The following TCF4 variants were observed in gnomAD, a reference collection of about 807,000 sequenced individuals.
TCF4 encodes the protein SL3-3 enhancer factor 2.
Under a neutral mutation model 82.1 loss-of-function variants are expected in TCF4, and 3 were observed. The ratio of observed to expected loss-of-function variants is 0.04; its 90% CI spans 0.02 to 0.09. The LOEUF (loss-of-function observed/expected upper bound fraction) is 0.09. Among genes scored for constraint, TCF4 ranks in the 10% least tolerant of loss-of-function variants. TCF4 has a pLI of 1.00. For missense variants in TCF4, 518 were observed against 852.7 expected, an observed-to-expected ratio of 0.61 and a Z score of 4.89; for synonymous variants, 276 against 309.6, an observed-to-expected ratio of 0.89 and a Z score of 1.14.
intron 3 of TCF4, among the ~76,000 whole-genome samples, chr18:55,572,519 T>C (rs1284588673): frequency 6.6e-6 from 1 of 152,140 alleles, no homozygotes; most frequent in Non-Finnish European, 1.5e-5. Context: ...TTGTTCCTAA[T>C]CAGGAGTTAC....
At chr18:55,345,636 A>G (rs1184108148) in intron 8 of TCF4, among the ~76,000 whole-genome samples, 1 of 152,180 alleles carries the variant, frequency 6.6e-6, no homozygotes, top group Non-Finnish European at 1.5e-5. Context: ...TAACAATTAT[A>G]CTTCTTCACA....
At chr18:55,634,766 G>C (rs1264518867) in intron 1 of TCF4, among the ~76,000 whole-genome samples, 1 of 152,182 alleles carries the variant, frequency 6.6e-6, no homozygotes, top group African/African-American at 2.4e-5. Context: ...CAATAATCTA[G>C]ACAGGAAATT....
chr18:55,448,987 T>C (rs1284293212), intron 5 of TCF4, among the ~76,000 whole-genome samples: 1 of 152,182 alleles, frequency 6.6e-6, no homozygotes, highest in Non-Finnish European at 1.5e-5. Context: ...CCTACGACTT[T>C]GCGAAAAATG....
intron 2 of TCF4, among the ~76,000 whole-genome samples, chr18:55,618,605 A>G (rs2147977066): frequency 6.6e-6 from 1 of 151,580 alleles, no homozygotes; most frequent in African/African-American, 2.4e-5. Flanking sequence ...TTTTTGAGAC[A>G]GGTTCTCCCT....
chr18:55,236,093 G>GTGTA (rs1314261540), intron 15 of TCF4, among the ~76,000 whole-genome samples: 1 of 142,272 alleles, frequency 7.0e-6, no homozygotes, highest in Non-Finnish European at 1.5e-5. Context: ...GTGTGTGTGT[G>GTGTA]TATGCACTCC....
At chr18:55,624,461 T>C (rs2097724534) in intron 2 of TCF4, among the ~76,000 whole-genome samples, 1 of 152,090 alleles carries the variant, frequency 6.6e-6, no homozygotes, top group African/African-American at 2.4e-5. Context: ...GCTTCAGTCC[T>C]TAAAACATAT....
intron 5 of TCF4, among the ~76,000 whole-genome samples, chr18:55,429,548 G>T (rs899032097): frequency 6.6e-6 from 1 of 152,044 alleles, no homozygotes; most frequent in African/African-American, 2.4e-5. Context: ...GGATCACAAG[G>T]TCAGGAGATC....
At chr18:55,282,692 T>G (rs897275014) in intron 8 of TCF4, among the ~76,000 whole-genome samples, 2 of 151,438 alleles carry the variant, frequency 1.3e-5, no homozygotes, top group African/African-American at 4.9e-5. Context: ...CTTCAAAGAG[T>G]TGGAATTATT....
chr18:55,238,177 C>T (rs59237299), intron 15 of TCF4, among the ~76,000 whole-genome samples: 15,360 of 152,234 alleles, frequency 0.1, 918 homozygotes, highest in African/African-American at 0.13. Flanking sequence ...ATCCATACTT[C>T]GTTAAAGCTC....
intron 8 of TCF4, among the ~76,000 whole-genome samples, chr18:55,309,117 T>C (rs996712614): frequency 1.3e-5 from 2 of 151,882 alleles, no homozygotes; most frequent in Admixed American, 1.3e-4. Flanking sequence ...TTATTATCAT[T>C]ATTTTTAATT....
intron 17 of TCF4, 33 bp from the exon 18 acceptor site, chr18:55,229,109 T>G (rs778624355): frequency 6.2e-6 from 10 of 1,609,034 alleles, no homozygotes; most frequent in Non-Finnish European, 7.7e-6. Flanking sequence ...CATTTTCTAA[T>G]GGTGTGGGGA....
At chr18:55,576,920 T>G (rs1568442042) in intron 3 of TCF4, among the ~76,000 whole-genome samples, 2 of 151,654 alleles carry the variant, frequency 1.3e-5, no homozygotes, top group East Asian at 1.9e-4. Flanking sequence ...CCAAGATGAT[T>G]CTTCTTCTTC....
chr18:55,347,213 G>A (rs979230047), intron 8 of TCF4, among the ~76,000 whole-genome samples: 8 of 152,048 alleles, frequency 5.3e-5, no homozygotes, highest in African/African-American at 1.9e-4. Flanking sequence ...CGAGGGCTAC[G>A]AGAAATTGGG....
At chr18:55,589,119 A>G (rs1368353848), upstream of TCF4, among the ~76,000 whole-genome samples, 1 of 152,176 alleles carries the variant, frequency 6.6e-6, no homozygotes, top group Non-Finnish European at 1.5e-5. Context: ...CACACATTCT[A>G]CAAATCCTGG....
At chr18:55,616,532 G>A (rs1362186282) in intron 2 of TCF4, among the ~76,000 whole-genome samples, 1 of 152,024 alleles carries the variant, frequency 6.6e-6, no homozygotes, top group Non-Finnish European at 1.5e-5. Context: ...TCTTTAAGGA[G>A]TCTGTATACT....
intron 3 of TCF4, among the ~76,000 whole-genome samples, chr18:55,479,743 C>T (rs374626411): frequency 2.6e-5 from 4 of 152,148 alleles, no homozygotes; most frequent in African/African-American, 4.8e-5. Context: ...TCTGTGACAC[C>T]GGAGGGTAAT....
At chr18:55,339,871 A>C (rs975497348) in intron 8 of TCF4, among the ~76,000 whole-genome samples, 7 of 152,238 alleles carry the variant, frequency 4.6e-5, no homozygotes, top group Non-Finnish European at 8.8e-5. Context: ...CAATCTAGCC[A>C]TTCTTTGACT....
chr18:55,347,402 C>T (rs57530083), intron 8 of TCF4, among the ~76,000 whole-genome samples: 8,133 of 152,178 alleles, frequency 0.053, 273 homozygotes, highest in African/African-American at 0.096. Flanking sequence ...GGCTTCCCCC[C>T]GACACGCTGT....
rs2046707506 is a variant in TCF4 at position 55,227,230 on chromosome 18, A to C, written c.*805T>G. On this transcript the variant is annotated 3_prime_UTR_variant, in exon 20 of 20. Transcript: ENST00000354452. ...ACAGGTTACGATAACAAACCAGGGA[A>C]AGGGACAGAAATAAGACCAAAAAAA... is the stretch of plus-strand genomic sequence containing the variant. The C allele has an allele frequency of 6.6e-6, 1 of 150,566 alleles. No individual in the cohort carries two copies. Among genetic ancestry groups the C allele is most frequent in the Non-Finnish European group, 1.5e-5 (1 of 67,764 alleles). 9.3% of individuals were successfully genotyped at this position (150,566 alleles called of 1,614,324 possible).
Sources: allele counts gnomAD v4.1 joint callset (sites outside exome capture counted in the v4.1 genomes callset), GRCh38; gene constraint gnomAD v4.1.1; transcripts MANE v1.5; gene names NCBI Gene and HGNC (gene_info 2026-07-23, HGNC 2026-07-21).